The following KIF26B variants were observed in gnomAD, a reference collection of about 807,000 sequenced individuals.
The protein encoded by KIF26B is kinesin family member 26B.
Under a neutral mutation model 151.2 loss-of-function variants are expected in KIF26B, and 63 were observed. That is an observed-to-expected ratio of 0.42 (90% CI 0.34 to 0.51). The LOEUF (loss-of-function observed/expected upper bound fraction) is 0.51, where lower values mean the gene tolerates loss of function less well. KIF26B is among the 20% of genes least tolerant of loss of function. The pLI, the probability that KIF26B is intolerant of heterozygous loss-of-function variation, is 0.07. For missense variants in KIF26B, 2,813 were observed against 2,913.6 expected (o/e 0.97, Z 0.79); for synonymous variants, 1,357 against 1,262.1 (o/e 1.08, Z -1.59).
intron 9 of KIF26B, among the ~76,000 whole-genome samples, chr1:245,618,864 G>C (rs1432688949): frequency 3.5e-5 from 5 of 142,250 alleles, no homozygotes; most frequent in South Asian, 2.3e-4. Flanking sequence ...TTGAGACAGA[G>C]TGCCACAGTG....
rs116246505 is a variant in KIF26B at position 245,309,254 on chromosome 1, G to A, written c.466-57580G>A. On this transcript the variant is annotated intron_variant, in intron 2 of 14. Transcript: ENST00000407071. ...TTTTCTGTGTCAACTTGACTGGGCC[G>A]CGGGATGCCCAGATATTTGGTCAAA... Among the ~76,000 whole-genome samples the A allele has an allele frequency of 3.5e-3, 529 of 152,214 alleles. 2 individuals are homozygous for A. Among genetic ancestry groups the A allele is most frequent in the African/African-American group, 0.012 (491 of 41,522 alleles).
intron 2 of KIF26B, among the ~76,000 whole-genome samples, chr1:245,345,922 T>G (rs1672444583): frequency 6.8e-6 from 1 of 146,296 alleles, no homozygotes; most frequent in African/African-American, 2.7e-5. Flanking sequence ...TATTTCTTTT[T>G]CTTTCTTTCT....
At chr1:245,668,701 C>CTTTTTTG (rs2044247191) in intron 10 of KIF26B, among the ~76,000 whole-genome samples, 2 of 151,124 alleles carry the variant, frequency 1.3e-5, no homozygotes, top group Admixed American at 6.6e-5. Context: ...CTTTTCTTTT[C>CTTTTTTG]TTTTTTTGAG....
chr1:245,387,120 T>C (rs1673566513), intron 3 of KIF26B, among the ~76,000 whole-genome samples: 1 of 152,124 alleles, frequency 6.6e-6, no homozygotes, highest in African/African-American at 2.4e-5. Flanking sequence ...TAGGGTGTAC[T>C]AGAGGCTGTA....
At chr1:245,337,604 C>T (rs554721741) in intron 2 of KIF26B, among the ~76,000 whole-genome samples, 24 of 151,338 alleles carry the variant, frequency 1.6e-4, no homozygotes, top group Middle Eastern at 3.4e-3. Flanking sequence ...CTTTGGTTCA[C>T]GAATGTAGTC....
intron 4 of KIF26B, among the ~76,000 whole-genome samples, chr1:245,529,682 C>T (rs1661317435): frequency 6.6e-6 from 1 of 152,140 alleles, no homozygotes; most frequent in African/African-American, 2.4e-5. Flanking sequence ...GAAGGTTTTA[C>T]ATTGAATAGC....
At chr1:245,246,958 C>CACACAG (rs1334522237) in intron 2 of KIF26B, among the ~76,000 whole-genome samples, 36 of 151,520 alleles carry the variant, frequency 2.4e-4, no homozygotes, top group African/African-American at 8.5e-4. Context: ...CACACACACA[C>CACACAG]ACACAGACAC....
intron 4 of KIF26B, among the ~76,000 whole-genome samples, chr1:245,491,460 G>A (rs997263129): frequency 1.5e-4 from 23 of 152,184 alleles, no homozygotes; most frequent in African/African-American, 5.3e-4. Flanking sequence ...AAATTCCTGT[G>A]CCAGATTCAG....
At position 245,335,202 on chromosome 1, in the gene KIF26B, C is replaced by A. The variant is rs372288772; in HGVS notation, c.466-31632C>A. On this transcript the variant is annotated intron_variant, in intron 2 of 14. Coordinates refer to ENST00000407071, the MANE Select transcript of KIF26B (RefSeq NM_018012.4). ...GCTAAAAATGAAGGCATAATTGAGG[C>A]ATCACGGACCCCAGATGGGCCCTGC... 2.1e-4 allele frequency among the ~76,000 whole-genome samples: 32 copies of A among 152,264 alleles called. 1 individual carries two copies. The East Asian group carries it at 3.1e-3, about 15-fold the overall frequency.
rs544032798 is a variant in KIF26B at position 245,707,770 on chromosome 1, G to C, written c.*5164G>C. The C allele has an allele frequency of 6.6e-6, 1 of 152,174 alleles. No homozygotes were observed. Among genetic ancestry groups the C allele is most frequent in the Non-Finnish European group, 1.5e-5 (1 of 68,046 alleles). The allele number at this position is 152,174 out of a possible 1,614,324, so 9.4% of individuals were successfully genotyped here. A position where few individuals can be genotyped will look rare whatever the true frequency, so the allele number is the denominator to read the frequency against. On this transcript the variant is annotated 3_prime_UTR_variant, in exon 15 of 15. Coordinates refer to ENST00000407071, the MANE Select transcript of KIF26B (RefSeq NM_018012.4). ...GCAGCCAAATGGGAAAGATCCCTTC[G>C]TTTTGAATTTGATGAGAATGGGCTT...
intron 2 of KIF26B, among the ~76,000 whole-genome samples, chr1:245,156,982 C>G (rs1327115991): frequency 2.0e-5 from 3 of 152,244 alleles, no homozygotes; most frequent in Non-Finnish European, 4.4e-5. Context: ...GCCGCCCCCT[C>G]CCAGCTCTCC....
chr1:245,342,861 A>C (rs1308753078), intron 2 of KIF26B, among the ~76,000 whole-genome samples: 1 of 152,124 alleles, frequency 6.6e-6, no homozygotes, highest in Non-Finnish European at 1.5e-5. Flanking sequence ...CTAAGGTGGC[A>C]GATCGCCTGA....
intron 2 of KIF26B, among the ~76,000 whole-genome samples, chr1:245,362,540 A>AC (rs1672849440): frequency 6.6e-6 from 1 of 151,790 alleles, no homozygotes; most frequent in Non-Finnish European, 1.5e-5. Flanking sequence ...CCATCTCAAA[A>AC]AAAAAAAAAA....
At chr1:245,561,804 A>G (rs1251124560) in intron 5 of KIF26B, among the ~76,000 whole-genome samples, 7 of 152,174 alleles carry the variant, frequency 4.6e-5, no homozygotes, top group East Asian at 1.9e-4. Flanking sequence ...GTCTGTGCAC[A>G]TCTTAACAAC....
chr1:245,418,784 G>C (rs773041741), intron 3 of KIF26B, among the ~76,000 whole-genome samples: 1 of 152,080 alleles, frequency 6.6e-6, no homozygotes, highest in African/African-American at 2.4e-5. Flanking sequence ...TATATTTGCC[G>C]TGGGGATTAG....
rs1348066942 is a variant in KIF26B at position 245,241,945 on chromosome 1, A to G, written c.465+85262A>G. Among the ~76,000 whole-genome samples the G allele has an allele frequency of 6.6e-6, 1 of 152,126 alleles. No homozygotes were observed. The highest frequency in any genetic ancestry group is 1.5e-5 in the Non-Finnish European group (1 of 68,028). ...AGCCATTCGAGATGCAGGCGTTGTC[A>G]TTCCTTGAAATTCTCACGCCTTCTA... On this transcript the variant is annotated intron_variant, in intron 2 of 14. Coordinates refer to ENST00000407071, the MANE Select transcript of KIF26B (RefSeq NM_018012.4). This position sits in a 1 kb window ranked among gnomAD's most constrained non-coding sequence, Gnocchi z 5.0.
rs960901020 is a variant in KIF26B, at chr1:245,241,863, T to A, written c.465+85180T>A. On this transcript the variant is annotated intron_variant, in intron 2 of 14. Coordinates refer to ENST00000407071, the MANE Select transcript of KIF26B (RefSeq NM_018012.4). The surrounding 1 kb of genome is among the most constrained non-coding windows in gnomAD (Gnocchi z 5.0). ...CCCTTAGCCTGTGGTATGAGCTCAG[T>A]CCCCATTTCTCAGGTGGCCTTCAAG... 3.9e-5 allele frequency among the ~76,000 whole-genome samples: 6 copies of A among 152,110 alleles called. No individual in the cohort carries two copies. Among genetic ancestry groups the A allele is most frequent in the African/African-American group, 1.4e-4 (6 of 41,418 alleles).
At chr1:245,586,605 C>T (rs1029763194) in intron 5 of KIF26B, among the ~76,000 whole-genome samples, 13 of 151,994 alleles carry the variant, frequency 8.6e-5, no homozygotes, top group African/African-American at 2.9e-4. Flanking sequence ...TCAAACAGGC[C>T]GGGCGCGGTG....
chr1:245,452,355 G>A (rs1050245847), intron 4 of KIF26B, among the ~76,000 whole-genome samples: 12 of 152,078 alleles, frequency 7.9e-5, no homozygotes, highest in African/African-American at 2.7e-4. Context: ...TAGACACTTG[G>A]ACTGTTTCCA....
Sources: gnomAD v4.1 joint callset for allele counts (sites outside exome capture counted in the v4.1 genomes callset) on GRCh38, gnomAD v4.1.1 for gene constraint, Gnocchi (gnomAD v3.1) non-coding constraint, MANE v1.5 for transcripts, NCBI Gene and HGNC (gene_info 2026-07-23, HGNC 2026-07-21) for gene names.